IFT43: variants seen among roughly 807,000 people sequenced by gnomAD.
The protein encoded by IFT43 is intraflagellar transport protein 43 homolog.
A neutral mutation model predicts 32.3 loss-of-function variants in IFT43; 33 were observed. That is an observed-to-expected ratio of 1.02 (90% confidence interval 0.77 to 1.37). The LOEUF (loss-of-function observed/expected upper bound fraction) is 1.37. Ranked by LOEUF, IFT43 falls within the 40% of genes most tolerant of loss-of-function variation. The pLI, the probability that IFT43 is intolerant of heterozygous loss-of-function variation, is 0.00. For synonymous variants in IFT43, 93 were observed against 98.2 expected (o/e 0.95, Z 0.31); for missense variants, 274 against 265.9 (o/e 1.03, Z -0.21).
intron 5 of IFT43, among the ~76,000 whole-genome samples, chr14:76,069,008 G>A (rs2140073831): frequency 6.6e-6 from 1 of 152,278 alleles, no homozygotes; most frequent in Middle Eastern, 3.4e-3. Context: ...AAGGATGAGT[G>A]CACTGGGTGC....
At chr14:76,035,517 C>G (rs550134509) in intron 3 of IFT43, among the ~76,000 whole-genome samples, 1 of 152,118 alleles carries the variant, frequency 6.6e-6, no homozygotes, top group Non-Finnish European at 1.5e-5. Context: ...CTGTCCTCTC[C>G]CTTTATGTCA....
chr14:75,993,845 A>G (rs1466681720), intron 2 of IFT43, among the ~76,000 whole-genome samples: 2 of 152,176 alleles, frequency 1.3e-5, no homozygotes, highest in African/African-American at 4.8e-5. Flanking sequence ...TTCAAGGTGC[A>G]TGCCAGTAAG....
At chr14:76,072,595 G>A (rs183246317) in intron 5 of IFT43, among the ~76,000 whole-genome samples, 163 of 152,298 alleles carry the variant, frequency 1.1e-3, no homozygotes, top group African/African-American at 3.8e-3. Context: ...TTGTGCACGC[G>A]TGCATGTTTT....
At chr14:75,991,080 C>T (rs897688236) in intron 2 of IFT43, among the ~76,000 whole-genome samples, 6 of 152,194 alleles carry the variant, frequency 3.9e-5, no homozygotes, top group African/African-American at 1.4e-4. Context: ...CTTGTAACCC[C>T]TGTAACCCCA....
intron 2 of IFT43, among the ~76,000 whole-genome samples, chr14:75,993,749 T>C (rs2035687650): frequency 6.6e-6 from 1 of 152,178 alleles, no homozygotes. Flanking sequence ...GCCTGTGACT[T>C]TTGTTCTCAT....
rs1007722023 is a variant in IFT43, at chr14:76,057,256, G to A, written c.216-1386G>A. Among the ~76,000 whole-genome samples, 12 of 150,840 alleles carry A rather than the reference G, an allele frequency of 8.0e-5. No homozygotes were observed. The East Asian group carries it at 9.7e-4, about 12-fold the overall frequency. On this transcript the variant is annotated intron_variant, in intron 3 of 8. Coordinates refer to ENST00000314067, the MANE Select transcript of IFT43 (RefSeq NM_001102564.3). Reference sequence around the variant, plus strand: ...TTTATATTATTATTTTTTTTGAGACGGAGTCTCACTCTGTTGCTAGGCTGG... The same window carrying A: ...TTTATATTATTATTTTTTTTGAGACAGAGTCTCACTCTGTTGCTAGGCTGG...
intron 2 of IFT43, among the ~76,000 whole-genome samples, chr14:76,014,868 T>C (rs888735918): frequency 6.6e-6 from 1 of 152,152 alleles, no homozygotes; most frequent in East Asian, 1.9e-4. Flanking sequence ...GGATGCAGCC[T>C]CTTCCTGGAA....
Position 76,083,108 on chromosome 14 carries a change from C to T in IFT43, c.445-119C>T, listed in dbSNP as rs1490077854. 8.0e-6 allele frequency: 8 copies of T among 1,001,114 alleles called. No individual in the cohort carries two copies. The African/African-American group carries it at 9.5e-5, about 12-fold the overall frequency. 62.0% of individuals were successfully genotyped at this position (1,001,114 alleles called of 1,614,324 possible). A position where few individuals can be genotyped will look rare whatever the true frequency, so the allele number is the denominator to read the frequency against. On this transcript the variant is annotated intron_variant, in intron 7 of 8. Transcript: ENST00000314067. ...GATTTTACTCTCTTGTGAAGGCATT[C>T]CTGCAGGTCTCAGTTTGGGAAGTTC... is the stretch of plus-strand genomic sequence containing the variant.
chr14:76,069,706 AT>A (rs769785878), intron 5 of IFT43, among the ~76,000 whole-genome samples: 21 of 152,224 alleles, frequency 1.4e-4, no homozygotes, highest in Non-Finnish European at 2.5e-4. Context: ...GAGCTCCAAA[AT>A]ATGTCCTTAA....
At chr14:76,040,974 G>A (rs2036696031) in intron 3 of IFT43, among the ~76,000 whole-genome samples, 1 of 152,264 alleles carries the variant, frequency 6.6e-6, no homozygotes, top group Non-Finnish European at 1.5e-5. Flanking sequence ...GCCCAAGTCA[G>A]CAGAACTGTT....
chr14:76,004,372 A>G (rs574695248), intron 2 of IFT43, among the ~76,000 whole-genome samples: 2 of 151,758 alleles, frequency 1.3e-5, no homozygotes, highest in East Asian at 3.9e-4. Context: ...AAATTGCCAT[A>G]CCTTTTGTCC....
At chr14:76,032,559 T>C (rs1268767388) in intron 3 of IFT43, among the ~76,000 whole-genome samples, 1 of 152,176 alleles carries the variant, frequency 6.6e-6, no homozygotes, top group Non-Finnish European at 1.5e-5. Context: ...TGCATACATA[T>C]TCTCTTTTTC....
intron 1 of IFT43, among the ~76,000 whole-genome samples, chr14:75,987,164 A>C (rs999111449): frequency 3.3e-5 from 5 of 152,252 alleles, no homozygotes; most frequent in Admixed American, 3.3e-4. Flanking sequence ...ATTTAGCGAC[A>C]AGATCATTGA....
In IFT43 at chr14:75,990,633, G is replaced by A. The variant is rs113804906; in HGVS notation, c.147+1656G>A. On this transcript the variant is annotated intron_variant, in intron 2 of 8. Coordinates refer to ENST00000314067, the MANE Select transcript of IFT43 (RefSeq NM_001102564.3). ...GTGTTATGGGGCCTGGGGCAGGGAG[G>A]TTGGGAGGCGAGGATAGTGGAGCAT... 8.6e-3 allele frequency among the ~76,000 whole-genome samples: 1,317 copies of A among 152,286 alleles called. 16 individuals are homozygous for A. The highest frequency in any genetic ancestry group is 0.011 in the Non-Finnish European group (747 of 68,020).
chr14:76,082,494 A>AT, intron 6 of IFT43, 123 bp from the exon 7 acceptor site: 1 of 1,309,882 alleles, frequency 7.6e-7, no homozygotes, highest in Non-Finnish European at 1.1e-6. Context: ...CAGGGTTCCC[A>AT]TTTTGTTATT....
intron 3 of IFT43, among the ~76,000 whole-genome samples, chr14:76,034,672 C>G (rs968442850): frequency 1.3e-5 from 2 of 152,200 alleles, no homozygotes; most frequent in Admixed American, 1.3e-4. Context: ...ATTTGCATAA[C>G]ACTGCCCAGG....
At chr14:76,058,244 G>T in intron 3 of IFT43, 1 of 260,268 alleles carries the variant, frequency 3.8e-6, no homozygotes. Flanking sequence ...CTTTTTGCTC[G>T]TTGCAAGTCG....
intron 5 of IFT43, among the ~76,000 whole-genome samples, chr14:76,062,662 A>T (rs1205759915): frequency 6.6e-6 from 1 of 151,370 alleles, no homozygotes; most frequent in East Asian, 2.0e-4. Context: ...CATGCCTGTA[A>T]TCCCAGCAGT....
intron 2 of IFT43, among the ~76,000 whole-genome samples, chr14:75,989,775 G>A (rs2035601436): frequency 6.6e-6 from 1 of 152,156 alleles, no homozygotes; most frequent in Non-Finnish European, 1.5e-5. Context: ...CTTCTAGCTT[G>A]CTGGCCCATA....
Sources: gnomAD v4.1 joint callset for allele counts (sites outside exome capture counted in the v4.1 genomes callset) on GRCh38, gnomAD v4.1.1 for gene constraint, MANE v1.5 for transcripts, NCBI Gene and HGNC (gene_info 2026-07-23, HGNC 2026-07-21) for gene names.